The following SUPT20H variants were observed in gnomAD, a reference collection of about 807,000 sequenced individuals.
The protein encoded by SUPT20H is SPT20 homolog, SAGA complex component.
SUPT20H carries 82 observed loss-of-function variants against 122.8 expected under a neutral mutation model. The ratio of observed to expected loss-of-function variants is 0.67; its 90% CI spans 0.56 to 0.80. The LOEUF is 0.80. Ranked by LOEUF, SUPT20H falls within the 30% of genes least tolerant of loss-of-function variation. The pLI is 0.00. For missense variants in SUPT20H, 831 were observed against 921.6 expected (o/e 0.90, Z 1.27); for synonymous variants, 291 against 313.0 (o/e 0.93, Z 0.74).
chr13:37,038,062 T>C (rs569092150), intron 9 of SUPT20H: 2 of 151,942 alleles, frequency 1.3e-5, no homozygotes, highest in Admixed American at 1.3e-4. Flanking sequence ...CAAGAGTTCT[T>C]TATTGGTACT....
At position 37,022,379 on chromosome 13, in the gene SUPT20H, A is replaced by T; in HGVS notation, c.1592-299T>A. ...ATAAATGGCCAGTCCTTTTAAAATA[A>T]GGTTAATGGAATCTTACTTAGCACT... is the stretch of plus-strand genomic sequence containing the variant. On this transcript the variant is annotated intron_variant, in intron 19 of 25. Transcript: ENST00000350612. The surrounding 1 kb of genome is among the most constrained non-coding windows in gnomAD (Gnocchi z 4.5). 1 of 1,343,616 alleles carries T rather than the reference A, an allele frequency of 7.4e-7. No individual in the cohort carries two copies. The highest frequency in any genetic ancestry group is 9.5e-7 in the Non-Finnish European group (1 of 1,048,496). The allele number at this position is 1,343,616 out of a possible 1,614,324, so 83.2% of individuals were successfully genotyped here. A position where few individuals can be genotyped will look rare whatever the true frequency, so the allele number is the denominator to read the frequency against.
intron 7 of SUPT20H, among the ~76,000 whole-genome samples, chr13:37,043,138 T>C (rs1424284417): frequency 6.6e-6 from 1 of 152,138 alleles, no homozygotes; most frequent in East Asian, 1.9e-4. Context: ...GAGGTTATAA[T>C]TTTAAGTCCT....
chr13:37,054,038 G>A (rs1420722845), intron 1 of SUPT20H, among the ~76,000 whole-genome samples: 2 of 152,074 alleles, frequency 1.3e-5, no homozygotes, highest in Non-Finnish European at 1.5e-5. Flanking sequence ...TAAATTCCTC[G>A]ACACATACAC....
At chr13:37,051,012 T>C (rs1174630930) in intron 2 of SUPT20H, among the ~76,000 whole-genome samples, 1 of 152,220 alleles carries the variant, frequency 6.6e-6, no homozygotes, top group Admixed American at 6.5e-5. Flanking sequence ...TACTCCTAAC[T>C]ATGTTTAGTG....
At chr13:37,051,342 A>G in intron 2 of SUPT20H, 146 bp downstream of exon 2, 1 of 685,156 alleles carries the variant, frequency 1.5e-6, no homozygotes, top group Non-Finnish European at 2.4e-6. Context: ...AAGACTTTGC[A>G]ATGGGATTGC....
At chr13:37,057,703 G>A (rs2069449080) in intron 1 of SUPT20H, among the ~76,000 whole-genome samples, 1 of 152,092 alleles carries the variant, frequency 6.6e-6, no homozygotes, top group East Asian at 1.9e-4. Flanking sequence ...GCCGGGTGCA[G>A]TGGCTCACAC....
At chr13:37,016,791 C>T (rs1447949103) in intron 23 of SUPT20H, among the ~76,000 whole-genome samples, 1 of 152,160 alleles carries the variant, frequency 6.6e-6, no homozygotes, top group East Asian at 1.9e-4. Context: ...TCATTTATTG[C>T]AATTCTTATT....
At chr13:37,030,228 T>C (rs918924354) in intron 12 of SUPT20H, among the ~76,000 whole-genome samples, 10 of 152,160 alleles carry the variant, frequency 6.6e-5, no homozygotes, top group African/African-American at 1.9e-4. Context: ...AAAGCGGTCA[T>C]GTAACAGTGG....
chr13:37,013,427 A>AAAACAAAAAC (rs1210818208), intron 23 of SUPT20H: 1 of 151,934 alleles, frequency 6.6e-6, no homozygotes, highest in Non-Finnish European at 1.5e-5. Context: ...TACTGATAGG[A>AAAACAAAAAC]AAACAAAAAC....
intron 22 of SUPT20H, among the ~76,000 whole-genome samples, chr13:37,018,566 C>T (rs543213248): frequency 4.6e-5 from 7 of 152,182 alleles, no homozygotes; most frequent in Non-Finnish European, 8.8e-5. Context: ...TTTATAGTCA[C>T]GTCTATCCAT....
In SUPT20H at chr13:37,031,857, T is replaced by A. The variant is rs2063394011; in HGVS notation, c.746A>T (p.Gln249Leu). Residue 249 changes from glutamine (Q) to leucine (L), a missense_variant, in exon 11 of 26, where the codon CAG becomes CTG. Physicochemically the swap from Gln to Leu is moderately radical, Grantham distance 113 (BLOSUM62 -2). Coordinates refer to ENST00000350612, the MANE Select transcript of SUPT20H (RefSeq NM_001014286.3). Reference protein sequence around the residue: ...KRYSRSSLNRQQDLSHCPPPP... With the variant: ...KRYSRSSLNRLQDLSHCPPPP... ...AGGTGGACAATGAGATAGATCTTGC[T>A]GCCGATTCAGAGAGGATCTGGAATA... is the stretch of plus-strand genomic sequence containing the variant. 1 of 1,604,348 alleles carries A rather than the reference T, an allele frequency of 6.2e-7. No homozygotes were observed. Among genetic ancestry groups the A allele is most frequent in the African/African-American group, 1.3e-5 (1 of 74,362 alleles).
At position 37,022,786 on chromosome 13, in the gene SUPT20H, CAT is replaced by C. The variant is rs764062221; in HGVS notation, c.1592-708_1592-707del. ...CAATCATATTTGGCACCTAAATATACATGTTTAATTCCTAACACATCAAGTTT... is the reference window on the plus strand; with the variant it reads ...CAATCATATTTGGCACCTAAATATACGTTTAATTCCTAACACATCAAGTTT... On this transcript the variant is annotated intron_variant, in intron 19 of 25. Coordinates refer to ENST00000350612, the MANE Select transcript of SUPT20H (RefSeq NM_001014286.3). The surrounding 1 kb of genome is among the most constrained non-coding windows in gnomAD (Gnocchi z 4.5). 1 of 1,021,290 alleles carries C rather than the reference CAT, an allele frequency of 9.8e-7. No individual in the cohort carries two copies. Among genetic ancestry groups the C allele is most frequent in the Non-Finnish European group, 1.2e-6 (1 of 847,802 alleles). 63.3% of individuals were successfully genotyped at this position (1,021,290 alleles called of 1,614,324 possible).
intron 22 of SUPT20H, 137 bp from the exon 23 acceptor site, chr13:37,017,501 C>G: frequency 1.1e-6 from 1 of 942,974 alleles, no homozygotes; most frequent in Non-Finnish European, 1.5e-6. Context: ...AAAGAAAAAA[C>G]AAGTTGGCTG....
In SUPT20H at chr13:37,047,540, C is replaced by T. The variant is rs547137540; in HGVS notation, c.160G>A (p.Val54Ile). The T allele has an allele frequency of 1.0e-4, 148 of 1,443,870 alleles. No homozygotes were observed. The highest frequency in any genetic ancestry group is 1.4e-4 in the Admixed American group (5 of 36,774). The allele number at this position is 1,443,870 out of a possible 1,614,324, so 89.4% of individuals were successfully genotyped here. A position where few individuals can be genotyped will look rare whatever the true frequency, so the allele number is the denominator to read the frequency against. ...TAATAAAAATGTATACTTACCTTAA[C>T]TTCAGGTTCTTTTTCACATTCTTCA... ...YIEECEKEPE[V>I]KKLRRNVNLL... Residue 54 changes from valine (V) to isoleucine (I), a missense_variant, in exon 5 of 26, where the codon GTT becomes ATT. Physicochemically the swap from Val to Ile is conservative, Grantham distance 29 (BLOSUM62 3). Transcript: ENST00000350612.
chr13:37,022,295 A>G lies in SUPT20H; in HGVS notation c.1592-215T>C. ...TCGATGAAGGGGTTGGTGTAGGAGT[A>G]GATGGCTTAGGAGTTCCAGATCCTG... is the stretch of plus-strand genomic sequence containing the variant. On this transcript the variant is annotated intron_variant, in intron 19 of 25. Transcript: ENST00000350612. The surrounding 1 kb of genome is among the most constrained non-coding windows in gnomAD (Gnocchi z 4.5). 7.0e-7 allele frequency: 1 copy of G among 1,421,958 alleles called. No individual in the cohort carries two copies. The highest frequency in any genetic ancestry group is 9.2e-7 in the Non-Finnish European group (1 of 1,083,484). 88.1% of individuals were successfully genotyped at this position (1,421,958 alleles called of 1,614,324 possible). A position where few individuals can be genotyped will look rare whatever the true frequency, so the allele number is the denominator to read the frequency against.
At position 37,012,173 on chromosome 13, in the gene SUPT20H, A is replaced by G; in HGVS notation, c.2098+19T>C. ...ATATGTTTAGTAAATTCAGCATATA[A>G]AGTTATGAAGATACCTACCAGCTGC... is the stretch of plus-strand genomic sequence containing the variant. On this transcript the variant is annotated intron_variant, in intron 24 of 25. Coordinates refer to ENST00000350612, the MANE Select transcript of SUPT20H (RefSeq NM_001014286.3). 6.4e-7 allele frequency: 1 copy of G among 1,572,490 alleles called. No individual in the cohort carries two copies. Among genetic ancestry groups the G allele is most frequent in the East Asian group, 2.2e-5 (1 of 44,616 alleles).
intron 6 of SUPT20H, 128 bp downstream of exon 6, chr13:37,045,119 G>T: frequency 8.3e-7 from 1 of 1,208,056 alleles, no homozygotes. Flanking sequence ...ATCAAAATCT[G>T]TTTTTATCAC....
At chr13:37,026,105 C>G in intron 16 of SUPT20H, 99 bp downstream of exon 16, 1 of 983,304 alleles carries the variant, frequency 1.0e-6, no homozygotes, top group Non-Finnish European at 1.5e-6. Flanking sequence ...ACAGCATAAC[C>G]AAAATCAAAG....
chr13:37,040,471 A>G lies in SUPT20H; in HGVS notation c.514-13T>C. The G allele has an allele frequency of 6.4e-7, 1 of 1,573,306 alleles. No homozygotes were observed. ...CACAAATTAAAGTCTAGAAGAAATA[A>G]AAATTTAAAAAACTTATTAATCTAT... On this transcript the variant is annotated splice_polypyrimidine_tract_variant and intron_variant, in intron 8 of 25. Coordinates refer to ENST00000350612, the MANE Select transcript of SUPT20H (RefSeq NM_001014286.3).
Sources: allele counts gnomAD v4.1 joint callset (sites outside exome capture counted in the v4.1 genomes callset), GRCh38; gene constraint gnomAD v4.1.1; non-coding constraint Gnocchi (gnomAD v3.1); transcripts MANE v1.5; gene names NCBI Gene and HGNC (gene_info 2026-07-23, HGNC 2026-07-21).